Variants in CTBP2 observed in about 807,000 individuals in gnomAD.
The protein encoded by CTBP2 is C-terminal-binding protein 2.
Under a neutral mutation model 80.3 loss-of-function variants are expected in CTBP2, and 30 were observed. That is an observed-to-expected ratio of 0.37 (90% CI 0.28 to 0.51). CTBP2 has a LOEUF of 0.51. CTBP2 is among the 20% of genes least tolerant of loss of function. The pLI is 0.93. For missense variants in CTBP2, 1,212 were observed against 1,375.3 expected (o/e 0.88, Z 1.88); for synonymous variants, 594 against 587.4 (o/e 1.01, Z -0.16).
chr10:125,005,600 C>A (rs576923640), intron 1 of CTBP2: 66 of 1,612,750 alleles, frequency 4.1e-5, no homozygotes, highest in Non-Finnish European at 3.1e-5. Context: ...AGCTGGATAC[C>A]CCCTCAGCTC....
In CTBP2 at chr10:124,985,090, C is replaced by G. The variant is rs1223438199; in HGVS notation, c.*4428G>C. 1.1e-6 allele frequency: 1 copy of G among 945,166 alleles called. No homozygotes were observed. The highest frequency in any genetic ancestry group is 1.6e-6 in the Non-Finnish European group (1 of 623,692). The allele number at this position is 945,166 out of a possible 1,614,324, so 58.5% of individuals were successfully genotyped here. On this transcript the variant is annotated 3_prime_UTR_variant, in exon 9 of 9. Coordinates refer to ENST00000309035, the MANE Select transcript of CTBP2 (RefSeq NM_022802.3). ...GCAGAGTCGACATCATGGAATGAAC[C>G]AAATCTGGCAGGATCTGCTCGGGGA...
intron 1 of CTBP2, among the ~76,000 whole-genome samples, chr10:125,020,367 T>C (rs753433317): frequency 9.2e-5 from 14 of 152,190 alleles, no homozygotes; most frequent in Non-Finnish European, 1.9e-4. Flanking sequence ...TATGGCCCCA[T>C]GACCTGCTTC....
At chr10:125,088,028 G>A (rs565593236) in intron 2 of CTBP2, among the ~76,000 whole-genome samples, 1 of 152,168 alleles carries the variant, frequency 6.6e-6, no homozygotes, top group South Asian at 2.1e-4. Flanking sequence ...TCTTCAAATG[G>A]TCAAGGCACA....
intron 2 of CTBP2, among the ~76,000 whole-genome samples, chr10:125,048,986 G>A (rs1421335508): frequency 2.7e-5 from 4 of 150,896 alleles, no homozygotes; most frequent in African/African-American, 9.8e-5. Context: ...CCCAGGAATT[G>A]ATTCTGGCCA....
At chr10:125,050,321 G>A (rs1292138919) in intron 2 of CTBP2, among the ~76,000 whole-genome samples, 1 of 152,178 alleles carries the variant, frequency 6.6e-6, no homozygotes, top group Non-Finnish European at 1.5e-5. Context: ...CAAAGACACC[G>A]CTTCCCAGAC....
intron 8 of CTBP2, among the ~76,000 whole-genome samples, chr10:124,989,950 C>G (rs1952368094): frequency 6.6e-6 from 1 of 151,826 alleles, no homozygotes; most frequent in African/African-American, 2.4e-5. Context: ...ACTGCCCAGG[C>G]TGGTCTCAAA....
intron 1 of CTBP2, among the ~76,000 whole-genome samples, chr10:125,114,445 G>C (rs552410875): frequency 1.3e-5 from 2 of 152,120 alleles, no homozygotes; most frequent in East Asian, 3.9e-4. Flanking sequence ...ACCAGACTGT[G>C]GTCAGCTAGT....
At chr10:125,004,397 A>G (rs1220054640) in intron 1 of CTBP2, among the ~76,000 whole-genome samples, 1 of 152,162 alleles carries the variant, frequency 6.6e-6, no homozygotes, top group East Asian at 1.9e-4. Flanking sequence ...TATTCTGTGC[A>G]GCAAACCCAG....
At chr10:125,122,038 A>C (rs943074288) in intron 1 of CTBP2, among the ~76,000 whole-genome samples, 2 of 152,202 alleles carry the variant, frequency 1.3e-5, no homozygotes, top group East Asian at 1.9e-4. Flanking sequence ...CTGGCTCCCC[A>C]AAAAGCAAAG....
intron 2 of CTBP2, among the ~76,000 whole-genome samples, chr10:125,052,206 A>G (rs1055413184): frequency 1.3e-5 from 2 of 152,164 alleles, no homozygotes; most frequent in Non-Finnish European, 2.9e-5. Flanking sequence ...ATCTGTGCAG[A>G]ATCCTGGCTT....
At chr10:125,053,142 G>A (rs921343962) in intron 2 of CTBP2, among the ~76,000 whole-genome samples, 8 of 152,190 alleles carry the variant, frequency 5.3e-5, no homozygotes, top group Non-Finnish European at 7.3e-5. Context: ...ATTCAAGCAT[G>A]AATCCACGGG....
At chr10:125,080,081 A>G (rs1215911401) in intron 2 of CTBP2, among the ~76,000 whole-genome samples, 2 of 152,194 alleles carry the variant, frequency 1.3e-5, no homozygotes, top group Non-Finnish European at 2.9e-5. Context: ...TATGCACTTA[A>G]TATCACAGCT....
chr10:125,109,404 C>T lies in CTBP2; in HGVS notation c.-102+1586G>A, dbSNP rs560161800. ...GCACCCAACACTGGAACTATCTTTG[C>T]CAACCCCAGGCCCAAGGTGACTTTG... On this transcript the variant is annotated intron_variant, in intron 2 of 10. Coordinates refer to the CTBP2 transcript ENST00000337195. Among the ~76,000 whole-genome samples the T allele has an allele frequency of 3.9e-5, 6 of 152,328 alleles. No homozygotes were observed. The East Asian group carries it at 9.7e-4, about 25-fold the overall frequency.
Position 124,988,154 on chromosome 10 carries a change from T to TG in CTBP2, c.*1363dup, listed in dbSNP as rs900429099. 2.0e-5 allele frequency: 3 copies of TG among 152,572 alleles called. No homozygotes were observed. The highest frequency in any genetic ancestry group is 7.2e-5 in the African/African-American group (3 of 41,458). 9.5% of individuals were successfully genotyped at this position (152,572 alleles called of 1,614,324 possible). On this transcript the variant is annotated 3_prime_UTR_variant, in exon 9 of 9. Transcript: ENST00000309035. ...ATAATGATGGACTTGTGTGAGGTTT[T>TG]GATTTTTCAATTAAACTTTTTGTTA...
intron 1 of CTBP2, among the ~76,000 whole-genome samples, chr10:125,119,441 G>C (rs563110258): frequency 5.3e-5 from 8 of 152,332 alleles, no homozygotes; most frequent in African/African-American, 1.9e-4. Context: ...GGAAACCAGA[G>C]TAGGATAAAT....
intron 1 of CTBP2, among the ~76,000 whole-genome samples, chr10:125,006,399 G>A (rs545138526): frequency 6.6e-6 from 1 of 152,322 alleles, no homozygotes; most frequent in East Asian, 1.9e-4. Flanking sequence ...GGGCATGAGA[G>A]CTTAGCTGGG....
chr10:125,098,657 G>GGAGAGAGAGAGAGAGAGAGA (rs565818097), intron 2 of CTBP2, among the ~76,000 whole-genome samples: 5 of 44,966 alleles, frequency 1.1e-4, no homozygotes, highest in Non-Finnish European at 1.6e-4. Flanking sequence ...TGGGGGAGGG[G>GGAGAGAGAGAGAGAGAGAGA]GAGAGAGAGA....
chr10:125,014,591 G>C (rs1055676764), intron 1 of CTBP2, among the ~76,000 whole-genome samples: 3 of 152,254 alleles, frequency 2.0e-5, no homozygotes, highest in African/African-American at 7.2e-5. Flanking sequence ...GCAACCTCTT[G>C]GCGGCCTCCT....
chr10:125,052,470 G>C (rs1963011567), intron 2 of CTBP2, among the ~76,000 whole-genome samples: 1 of 152,218 alleles, frequency 6.6e-6, no homozygotes. Flanking sequence ...TTTCCCTTAA[G>C]CTGTTTTCTG....
Sources: gnomAD v4.1 joint callset for allele counts (sites outside exome capture counted in the v4.1 genomes callset) on GRCh38, gnomAD v4.1.1 for gene constraint, MANE v1.5 for transcripts, NCBI Gene and HGNC (gene_info 2026-07-23, HGNC 2026-07-21) for gene names.